AMDHD2: variants seen among roughly 807,000 people sequenced by gnomAD.
AMDHD2 encodes amidohydrolase domain containing 2.
Under a neutral mutation model 41.8 loss-of-function variants are expected in AMDHD2, and 24 were observed. The ratio of observed to expected loss-of-function variants is 0.57; its 90% confidence interval spans 0.42 to 0.81. The LOEUF (loss-of-function observed/expected upper bound fraction) is 0.81. Among genes scored for constraint, AMDHD2 ranks in the 30% least tolerant of loss-of-function variants. The pLI, the probability that AMDHD2 is intolerant of heterozygous loss-of-function variation, is 0.00. For missense variants in AMDHD2, 540 were observed against 588.5 expected, an observed-to-expected ratio of 0.92 and a Z score of 0.85; for synonymous variants, 332 against 255.5, an observed-to-expected ratio of 1.30 and a Z score of -2.85.
rs762191078 is a variant in AMDHD2 at position 2,528,080 on chromosome 16, C to T, written c.649C>T (p.Arg217Trp). ...VSLGHSVADL[R>W]AAEDAVWSGA... The stretch of plus-strand genomic sequence containing the variant: ...CGCAGGGCACTCAGTGGCTGACCTG[C>T]GGGCGGCAGAGGATGCTGTGTGGAG... Residue 217 changes from arginine to tryptophan, a missense_variant, in exon 6 of 11, where the codon CGG becomes TGG. By Grantham distance (101) the Arg-to-Trp change is moderately radical. Coordinates refer to ENST00000293971, the MANE Select transcript of AMDHD2 (RefSeq NM_001330449.2). 1.5e-5 allele frequency: 25 copies of T among 1,612,926 alleles called. No individual in the cohort carries two copies. The highest frequency in any genetic ancestry group is 9.3e-5 in the African/African-American group (7 of 74,904).
rs1567135392 is a variant in AMDHD2, at chr16:2,530,932, C to T, written c.*1369C>T. On this transcript the variant is annotated 3_prime_UTR_variant, in exon 11 of 11. Transcript: ENST00000293971. ...CCCTTAGGAAGTGGCTGTCCAGCGC[C>T]TGCCTGTGCTGGGCCTGGGAGAGGA... 1.9e-6 allele frequency: 3 copies of T among 1,613,518 alleles called. No individual in the cohort carries two copies. Among genetic ancestry groups the T allele is most frequent in the Non-Finnish European group, 2.5e-6 (3 of 1,180,000 alleles).
In AMDHD2 at chr16:2,520,393, C is replaced by T; in HGVS notation, c.-66C>T. On this transcript the variant is annotated 5_prime_UTR_variant, in exon 1 of 11. Coordinates refer to ENST00000293971, the MANE Select transcript of AMDHD2 (RefSeq NM_001330449.2). ...GCGGTCTCAGCTCTCGGCTGGGGTT[C>T]GTCACTGGGCGCGGGATTTGGCCGC... 3.4e-6 allele frequency: 4 copies of T among 1,185,422 alleles called. No individual in the cohort carries two copies. In the East Asian group the frequency reaches 1.3e-4, roughly 39 times the overall value. The allele number at this position is 1,185,422 out of a possible 1,614,324, so 73.4% of individuals were successfully genotyped here. A position where few individuals can be genotyped will look rare whatever the true frequency, so the allele number is the denominator to read the frequency against.
chr16:2,529,922 C>A lies in AMDHD2; in HGVS notation c.*359C>A. 2.0e-6 allele frequency: 2 copies of A among 978,678 alleles called. No individual in the cohort carries two copies. The highest frequency in any genetic ancestry group is 1.4e-6 in the Non-Finnish European group (1 of 695,782). The allele number at this position is 978,678 out of a possible 1,614,324, so 60.6% of individuals were successfully genotyped here. On this transcript the variant is annotated 3_prime_UTR_variant, in exon 11 of 11. Coordinates refer to ENST00000293971, the MANE Select transcript of AMDHD2 (RefSeq NM_001330449.2). ...ACCTGCAGACCCCAGGAAAGTGTCA[C>A]TATGGGAGGGAGGGGCAGGCAGTCA...
At position 2,521,272 on chromosome 16, in the gene AMDHD2, C is replaced by T. The variant is rs2065933246; in HGVS notation, c.360+149C>T. ...TTGATGACCGGATCTGGGCCTGGGT[C>T]CCGCCCCTGTGCTTCTTTATCAGTT... On this transcript the variant is annotated intron_variant, in intron 3 of 10. Coordinates refer to ENST00000293971, the MANE Select transcript of AMDHD2 (RefSeq NM_001330449.2). 14 of 1,114,302 alleles carry T rather than the reference C, an allele frequency of 1.3e-5. No homozygotes were observed. The South Asian group carries it at 2.5e-4, about 20-fold the overall frequency. The allele number at this position is 1,114,302 out of a possible 1,614,324, so 69.0% of individuals were successfully genotyped here.
At chr16:2,520,568 C>G (rs757894764) in intron 1 of AMDHD2, 27 bp downstream of exon 1, 4 of 1,147,226 alleles carry the variant, frequency 3.5e-6, no homozygotes, top group Admixed American at 9.8e-5. Context: ...GACTGCGGGG[C>G]TGGGGACCGG....
chr16:2,529,003 T>C lies in AMDHD2; in HGVS notation c.1049T>C (p.Met350Thr). The C allele has an allele frequency of 1.3e-6, 2 of 1,582,478 alleles. No homozygotes were observed. Among genetic ancestry groups the C allele is most frequent in the South Asian group, 2.3e-5 (2 of 86,882 alleles). ...RHFLQATGCS[M>T]ESALEAASLH... ...TGTGTCCCCCAAGCAGGCTGCAGCA[T>C]GGAGTCGGCCCTGGAGGCTGCATCC... Residue 350 changes from methionine (M) to threonine (T), a missense_variant, in exon 10 of 11, where the codon ATG becomes ACG. Coordinates refer to ENST00000293971, the MANE Select transcript of AMDHD2 (RefSeq NM_001330449.2).
At chr16:2,526,523 C>A (rs2066005731) in intron 3 of AMDHD2, among the ~76,000 whole-genome samples, 1 of 152,130 alleles carries the variant, frequency 6.6e-6, no homozygotes, top group African/African-American at 2.4e-5. Flanking sequence ...TCACTTCCCC[C>A]ACTGCGTGCA....
chr16:2,523,193 A>G (rs903375984), intron 3 of AMDHD2, among the ~76,000 whole-genome samples: 1 of 152,096 alleles, frequency 6.6e-6, no homozygotes, highest in Non-Finnish European at 1.5e-5. Flanking sequence ...GAGCCACAAG[A>G]GTTAGTGAGT....
intron 3 of AMDHD2, among the ~76,000 whole-genome samples, chr16:2,525,334 A>T (rs2065989668): frequency 1.4e-5 from 2 of 146,876 alleles, no homozygotes; most frequent in Admixed American, 1.4e-4. Context: ...CTGGGATTAC[A>T]TGTGTGAGTC....
rs923363565 is a variant in AMDHD2 at position 2,526,824 on chromosome 16, GGAGGCT to G, written c.361-731_361-726del. On this transcript the variant is annotated intron_variant, in intron 3 of 10. Transcript: ENST00000293971. ...GCACGCCTGTAATCCCAGCTACTCG[GGAGGCT>G]GAGGCAGGAGAATCGCTTGAACTCA... Among the ~76,000 whole-genome samples the G allele has an allele frequency of 2.6e-5, 4 of 152,280 alleles. No individual in the cohort carries two copies. In the South Asian group the frequency reaches 8.3e-4, roughly 32 times the overall value.
chr16:2,528,271 G>C lies in AMDHD2; in HGVS notation c.753G>C (p.Leu251=). The change falls in exon 7 of 11, where the codon CTG becomes CTC. Residue 251 remains leucine (L), a synonymous_variant. Coordinates refer to ENST00000293971, the MANE Select transcript of AMDHD2 (RefSeq NM_001330449.2). Reference sequence around the variant, plus strand: ...GCGACCCAGGCATCGTGGGGCTCCTGACCAGCGACCGGCTGCCCGCAGGCC... The same window carrying C: ...GCGACCCAGGCATCGTGGGGCTCCTCACCAGCGACCGGCTGCCCGCAGGCC... The part of the protein sequence containing the change: ...HHRDPGIVGL[L]TSDRLPAGRC... 1 of 1,612,368 alleles carries C rather than the reference G, an allele frequency of 6.2e-7. No individual in the cohort carries two copies. The highest frequency in any genetic ancestry group is 8.5e-7 in the Non-Finnish European group (1 of 1,179,890).
intron 10 of AMDHD2, 51 bp downstream of exon 10, chr16:2,529,146 CTG>C: frequency 2.0e-6 from 3 of 1,466,050 alleles, no homozygotes; most frequent in South Asian, 2.7e-5. Flanking sequence ...CCTGTAGACT[CTG>C]TTGTTCCTGG....
At chr16:2,528,017 G>T in intron 5 of AMDHD2, 32 bp downstream of exon 5, 1 of 1,610,480 alleles carries the variant, frequency 6.2e-7, no homozygotes, top group Non-Finnish European at 8.5e-7. Flanking sequence ...GGCCTGCTTG[G>T]GGGACCTGGG....
In AMDHD2 at chr16:2,520,387, G is replaced by A; in HGVS notation, c.-72G>A. On this transcript the variant is annotated 5_prime_UTR_variant, in exon 1 of 11. Coordinates refer to ENST00000293971, the MANE Select transcript of AMDHD2 (RefSeq NM_001330449.2). ...GTGGGCGCGGTCTCAGCTCTCGGCT[G>A]GGGTTCGTCACTGGGCGCGGGATTT... The A allele has an allele frequency of 8.5e-7, 1 of 1,170,774 alleles. No individual in the cohort carries two copies. The highest frequency in any genetic ancestry group is 1.1e-6 in the Non-Finnish European group (1 of 935,336). 72.5% of individuals were successfully genotyped at this position (1,170,774 alleles called of 1,614,324 possible).
chr16:2,531,033 C>A lies in AMDHD2; in HGVS notation c.*1470C>A, dbSNP rs1281076599. 6.3e-7 allele frequency: 1 copy of A among 1,599,326 alleles called. No individual in the cohort carries two copies. Among genetic ancestry groups the A allele is most frequent in the Admixed American group, 1.7e-5 (1 of 59,664 alleles). On this transcript the variant is annotated 3_prime_UTR_variant, in exon 11 of 11. Transcript: ENST00000293971. Reference sequence around the variant, plus strand: ...CGATGTGTTAGAGGTTGAGCATCGCCTGTGCCCAGCTTGCTGGCTGTCAGT... The same window carrying A: ...CGATGTGTTAGAGGTTGAGCATCGCATGTGCCCAGCTTGCTGGCTGTCAGT...
chr16:2,520,827 G>T lies in AMDHD2; in HGVS notation c.142G>T (p.Glu48Ter), dbSNP rs1281964033. The change falls in exon 2 of 11, where the codon GAG (glutamate) becomes TAG (stop). Residue 48 changes from glutamate to a stop codon, truncating the protein, a stop_gained. Transcript: ENST00000293971. LOFTEE classifies it high-confidence loss of function. ...GGACCCAGAGAAGCTGTTCTTTGAGGAGCGGCGCGTGGCCGACGAGCGGCG... is the reference window on the plus strand; with the variant it reads ...GGACCCAGAGAAGCTGTTCTTTGAGTAGCGGCGCGTGGCCGACGAGCGGCG... ...ILDPEKLFFE[E>*]RRVADERRDC... 6.2e-7 allele frequency: 1 copy of T among 1,611,596 alleles called. No individual in the cohort carries two copies. Among genetic ancestry groups the T allele is most frequent in the South Asian group, 1.1e-5 (1 of 90,988 alleles).
At chr16:2,529,369 C>T (rs534056617) in intron 10 of AMDHD2, 106 bp from the exon 11 acceptor site, 10 of 1,540,850 alleles carry the variant, frequency 6.5e-6, no homozygotes, top group East Asian at 4.5e-5. Flanking sequence ...CTAGTCGTGT[C>T]CCTGGGCCTC....
intron 2 of AMDHD2, 22 bp downstream of exon 2, chr16:2,520,927 G>A: frequency 6.3e-7 from 1 of 1,594,918 alleles, no homozygotes; most frequent in Non-Finnish European, 8.6e-7. Flanking sequence ...GGCCGGCAGG[G>A]GAACCCAGGG....
intron 3 of AMDHD2, among the ~76,000 whole-genome samples, chr16:2,523,044 A>G (rs1347718317): frequency 6.6e-6 from 1 of 151,952 alleles, no homozygotes; most frequent in African/African-American, 2.4e-5. Context: ...GGGTTTCACC[A>G]TACTGGCCAG....
Sources: gnomAD v4.1 joint callset for allele counts (sites outside exome capture counted in the v4.1 genomes callset) on GRCh38, gnomAD v4.1.1 for gene constraint, MANE v1.5 for transcripts, NCBI Gene and HGNC (gene_info 2026-07-23, HGNC 2026-07-21) for gene names.